Variants in IKBKB-DT observed in about 807,000 individuals in gnomAD.
The protein encoded by IKBKB-DT is IKBKB divergent transcript.
At chr8:42,251,823 C>T (rs60656929) in intron 3 of IKBKB-DT, among the ~76,000 whole-genome samples, 3,286 of 132,608 alleles carry the variant, frequency 0.025, 124 homozygotes, top group African/African-American at 0.095. Flanking sequence ...AGCAAGACTC[C>T]ATCTCAAAAA....
intron 3 of IKBKB-DT, among the ~76,000 whole-genome samples, chr8:42,250,611 G>C (rs1185543709): frequency 6.6e-6 from 1 of 152,228 alleles, no homozygotes; most frequent in African/African-American, 2.4e-5. Context: ...ATTAAGGGCA[G>C]CCAGAAGGCC....
At chr8:42,250,119 G>A (rs1364619306) in intron 3 of IKBKB-DT, among the ~76,000 whole-genome samples, 1 of 152,054 alleles carries the variant, frequency 6.6e-6, no homozygotes, top group Non-Finnish European at 1.5e-5. Context: ...AGTCTCCTAG[G>A]GCATTTGGGG....
At chr8:42,252,075 T>C (rs909528278) in intron 3 of IKBKB-DT, among the ~76,000 whole-genome samples, 1 of 152,214 alleles carries the variant, frequency 6.6e-6, no homozygotes, top group Non-Finnish European at 1.5e-5. Context: ...AGGCCAGGCA[T>C]GTTCAACATG....
rs113469700 is a variant in IKBKB-DT, at chr8:42,239,614, T to TTATATATATATATA, written n.1530-5769_1530-5756dup. 5.0e-3 allele frequency among the ~76,000 whole-genome samples: 99 copies of TTATATATATATATA among 19,904 alleles called. 7 individuals carry two copies. The highest frequency in any genetic ancestry group is 9.6e-3 in the South Asian group (4 of 416). The allele number at this position is 19,904 out of a possible 152,430, so 13.1% of individuals were successfully genotyped here. On this transcript the variant is annotated intron_variant and non_coding_transcript_variant, in intron 3 of 3. Transcript: ENST00000518213. ...CCAACCAATTTTTGTAAAAGGCAAT[T>TTATATATATATATA]TATATATATATATATATATATTTAT...
chr8:42,249,984 A>G (rs940117495), intron 3 of IKBKB-DT, among the ~76,000 whole-genome samples: 4 of 152,172 alleles, frequency 2.6e-5, no homozygotes, highest in Non-Finnish European at 4.4e-5. Flanking sequence ...TCCACTGCCC[A>G]GATAGAGCCA....
chr8:42,256,330 G>A (rs1422989101), intron 3 of IKBKB-DT, among the ~76,000 whole-genome samples: 3 of 151,908 alleles, frequency 2.0e-5, no homozygotes, highest in Non-Finnish European at 2.9e-5. Flanking sequence ...GGGAGGCTGA[G>A]GCAGGTGGAT....
rs1212770741 is a variant in IKBKB-DT at position 42,239,617 on chromosome 8, TA to T, written n.1530-5759del. On this transcript the variant is annotated intron_variant and non_coding_transcript_variant, in intron 3 of 3. Coordinates refer to ENST00000518213, the Ensembl canonical transcript of IKBKB-DT. ...ACCAATTTTTGTAAAAGGCAATTTA[TA>T]TATATATATATATATATTTATTTAT... Among the ~76,000 whole-genome samples, 9 of 78,442 alleles carry T rather than the reference TA, an allele frequency of 1.1e-4. 1 individual carries two copies. The highest frequency in any genetic ancestry group is 3.5e-4 in the African/African-American group (8 of 23,186). 51.5% of individuals were successfully genotyped at this position (78,442 alleles called of 152,430 possible).
chr8:42,269,446 G>GAGGGC (rs1563280797), intron 1 of IKBKB-DT, among the ~76,000 whole-genome samples: 15 of 10,614 alleles, frequency 1.4e-3, no homozygotes, highest in Non-Finnish European at 5.1e-3. Context: ...GAAGCGAGGG[G>GAGGGC]AGGGGAGGGG....
At chr8:42,239,434 C>T (rs1316094793) in intron 3 of IKBKB-DT, among the ~76,000 whole-genome samples, 1 of 151,490 alleles carries the variant, frequency 6.6e-6, no homozygotes, top group Non-Finnish European at 1.5e-5. Flanking sequence ...CTCTCCCCAC[C>T]AGCTCAGCCT....
intron 3 of IKBKB-DT, among the ~76,000 whole-genome samples, chr8:42,238,353 C>T (rs1482273659): frequency 6.6e-6 from 1 of 152,162 alleles, no homozygotes; most frequent in African/African-American, 2.4e-5. Flanking sequence ...TGAGTGTAAG[C>T]CAAGCTAGCC....
At chr8:42,235,402 C>G (rs975441440) in intron 3 of IKBKB-DT, among the ~76,000 whole-genome samples, 1 of 151,906 alleles carries the variant, frequency 6.6e-6, no homozygotes, top group Non-Finnish European at 1.5e-5. Flanking sequence ...GTCAGGGTTT[C>G]TCTATGTTGA....
intron 3 of IKBKB-DT, among the ~76,000 whole-genome samples, chr8:42,238,003 C>CAACA (rs1306500154): frequency 8.9e-6 from 1 of 112,340 alleles, no homozygotes; most frequent in African/African-American, 3.4e-5. Context: ...CCAGCCTGGG[C>CAACA]AACAGAGCAA....
intron 3 of IKBKB-DT, among the ~76,000 whole-genome samples, chr8:42,258,680 G>A (rs1421583655): frequency 6.6e-6 from 1 of 152,060 alleles, no homozygotes; most frequent in African/African-American, 2.4e-5. Context: ...ATGTTAGCCA[G>A]GATGGTCTAG....
intron 3 of IKBKB-DT, among the ~76,000 whole-genome samples, chr8:42,242,972 A>T (rs568599207): frequency 9.2e-5 from 14 of 152,380 alleles, no homozygotes; most frequent in African/African-American, 3.4e-4. Context: ...TCTGGTATAA[A>T]GTGGCTTTTA....
chr8:42,245,322 A>G (rs1394300358), intron 3 of IKBKB-DT, among the ~76,000 whole-genome samples: 1 of 152,212 alleles, frequency 6.6e-6, no homozygotes, highest in East Asian at 1.9e-4. Flanking sequence ...CGTGTTGGGA[A>G]TACCTCACCC....
At chr8:42,248,088 G>A (rs1401143135) in intron 3 of IKBKB-DT, among the ~76,000 whole-genome samples, 9 of 147,912 alleles carry the variant, frequency 6.1e-5, no homozygotes, top group Admixed American at 4.1e-4. Flanking sequence ...GCAAGACTCC[G>A]TCTCGGAAAA....
At chr8:42,258,849 C>T (rs1431279909) in intron 3 of IKBKB-DT, among the ~76,000 whole-genome samples, 1 of 152,060 alleles carries the variant, frequency 6.6e-6, no homozygotes, top group African/African-American at 2.4e-5. Context: ...CTGGTTTTCA[C>T]TAGAAACTAA....
chr8:42,265,371 G>C (rs973703874), intron 2 of IKBKB-DT, among the ~76,000 whole-genome samples: 2 of 152,168 alleles, frequency 1.3e-5, no homozygotes, highest in Admixed American at 1.3e-4. Context: ...GTATGCCAAA[G>C]AGGCCTATTT....
At chr8:42,236,492 G>T (rs193062194) in intron 3 of IKBKB-DT, among the ~76,000 whole-genome samples, 3 of 152,306 alleles carry the variant, frequency 2.0e-5, no homozygotes, top group African/African-American at 7.2e-5. Context: ...GGGGCTGGGC[G>T]CAGTGTCTCA....
Sources: allele counts gnomAD v4.1 joint callset (sites outside exome capture counted in the v4.1 genomes callset), GRCh38; gene constraint gnomAD v4.1.1; transcripts MANE v1.5; gene names NCBI Gene and HGNC (gene_info 2026-07-23, HGNC 2026-07-21).